The following SACS variants were observed in gnomAD, a reference collection of about 807,000 sequenced individuals.
The protein encoded by SACS is sacsin molecular chaperone, also known as sacsin.
In SACS, 197 loss-of-function variants were observed where a neutral mutation model predicts 348.0. The ratio of observed to expected loss-of-function variants is 0.57; its 90% CI spans 0.50 to 0.64. The LOEUF (loss-of-function observed/expected upper bound fraction) is 0.64, where lower values mean the gene tolerates loss of function less well. Among genes scored for constraint, SACS ranks in the 30% least tolerant of loss-of-function variants. The pLI, the probability that SACS is intolerant of heterozygous loss-of-function variation, is 0.00. For synonymous variants in SACS, 1,985 were observed against 1,910.6 expected, an observed-to-expected ratio of 1.04 and a Z score of -1.02; for missense variants, 4,999 against 5,360.8, an observed-to-expected ratio of 0.93 and a Z score of 2.11.
At chr13:23,370,730 A>G (rs139337645) in intron 4 of SACS, among the ~76,000 whole-genome samples, 187 of 152,312 alleles carry the variant, frequency 1.2e-3, no homozygotes, top group Middle Eastern at 3.4e-3. Flanking sequence ...TGGGAGGCCA[A>G]AGACGGTGGA....
chr13:23,356,864 A>G (rs1180796933), intron 7 of SACS, among the ~76,000 whole-genome samples: 1 of 152,204 alleles, frequency 6.6e-6, no homozygotes, highest in Non-Finnish European at 1.5e-5. Context: ...CAGCTGTCAC[A>G]ATCACCAACT....
intron 2 of SACS, among the ~76,000 whole-genome samples, chr13:23,392,014 G>A (rs938963752): frequency 3.9e-5 from 6 of 152,174 alleles, no homozygotes; most frequent in African/African-American, 7.2e-5. Context: ...TCAGAATCAC[G>A]CATGCAGACT....
intron 2 of SACS, among the ~76,000 whole-genome samples, chr13:23,400,786 T>C (rs1296198809): frequency 6.6e-6 from 1 of 152,214 alleles, no homozygotes; most frequent in Non-Finnish European, 1.5e-5. Flanking sequence ...TTTAGTCAAA[T>C]GTTCAAACCT....
rs139387396 is a variant in SACS, at chr13:23,338,891, G to C, written c.4985C>G (p.Thr1662Arg). The change falls in exon 10 of 10, where the codon ACG (threonine) becomes AGG (arginine). Residue 1662 changes from threonine (T) to arginine (R), a missense_variant. Physicochemically the swap from Thr to Arg is moderately conservative, Grantham distance 71 (BLOSUM62 -1). Transcript: ENST00000382292. ...ATAAATATCTGCTGTATTGTAGCAC[G>C]TACTACTAACTTCACTCACTTTTGC... ...QEAKVSEVSS[T>R]CYNTADIYSL... 1 of 1,613,020 alleles carries C rather than the reference G, an allele frequency of 6.2e-7. No homozygotes were observed. Among genetic ancestry groups the C allele is most frequent in the South Asian group, 1.1e-5 (1 of 90,866 alleles).
Position 23,340,966 on chromosome 13 carries a change from A to G in SACS, c.2910T>C (p.Ser970=), listed in dbSNP as rs1365633383. 1 of 1,614,046 alleles carries G rather than the reference A, an allele frequency of 6.2e-7. No homozygotes were observed. The highest frequency in any genetic ancestry group is 8.5e-7 in the Non-Finnish European group (1 of 1,179,932). ...TTGCCAGACGAATAGTAGCTTCATC[A>G]CTACTGTCTATTACTGAAATAGAAA... The part of the protein sequence containing the change: ...LRLSISVIDS[S]DEATIRLANM... Residue 970 remains serine (S), a synonymous_variant, in exon 10 of 10, where the codon AGT becomes AGC. Coordinates refer to ENST00000382292, the MANE Select transcript of SACS (RefSeq NM_014363.6).
rs114198748 is a variant in SACS at position 23,376,533 on chromosome 13, C to T, written c.21-1264G>A. 2.2e-3 allele frequency among the ~76,000 whole-genome samples: 338 copies of T among 152,264 alleles called. 1 individual carries two copies. Among genetic ancestry groups the T allele is most frequent in the African/African-American group, 7.6e-3 (314 of 41,536 alleles). ...AAAAATAGATAATAAATTGCCATTT[C>T]TCCCTTCCCCCCAAAAAAAATTATT... On this transcript the variant is annotated intron_variant, in intron 2 of 9. Coordinates refer to ENST00000382292, the MANE Select transcript of SACS (RefSeq NM_014363.6).
chr13:23,405,923 C>A (rs1325356793), intron 2 of SACS, among the ~76,000 whole-genome samples: 1 of 152,180 alleles, frequency 6.6e-6, no homozygotes, highest in Non-Finnish European at 1.5e-5. Flanking sequence ...AATAGGAAAG[C>A]TTTTACACTG....
At position 23,355,327 on chromosome 13, in the gene SACS, T is replaced by G. The variant is rs1409855639; in HGVS notation, c.1285A>C (p.Arg429=). The G allele has an allele frequency of 6.2e-7, 1 of 1,614,050 alleles. No homozygotes were observed. The highest frequency in any genetic ancestry group is 1.3e-5 in the African/African-American group (1 of 74,930). Residue 429 remains arginine (R), a synonymous_variant, in exon 8 of 10, where the codon AGA becomes CGA. Transcript: ENST00000382292. ...IIGIAMPLSS[R]DDEAKGATSD... is the part of the protein sequence containing the mutation. ...GTTGCTCCTTTTGCTTCATCATCTC[T>G]GCTTGATAAAGGCATGGCTATTCCA...
At position 23,336,533 on chromosome 13, in the gene SACS, T is replaced by C. The variant is rs201300420; in HGVS notation, c.7343A>G (p.Tyr2448Cys). Residue 2448 changes from tyrosine (Y) to cysteine (C), a missense_variant, in exon 10 of 10, where the codon TAT (tyrosine) becomes TGT (cysteine). This residue lies in a region of SACS where 3,156 missense variants were observed against 3,380.1 expected (regional missense o/e 0.93). Transcript: ENST00000382292. ...EKKQEFCEKN[Y>C]GKILLPDTNL... Reference sequence around the variant, plus strand: ...AGTATCTGGCAATAATATCTTGCCATAATTTTTCTCACAAAATTCTTGTTT... The same window carrying C: ...AGTATCTGGCAATAATATCTTGCCACAATTTTTCTCACAAAATTCTTGTTT... 4 of 1,613,930 alleles carry C rather than the reference T, an allele frequency of 2.5e-6. No homozygotes were observed. Among genetic ancestry groups the C allele is most frequent in the South Asian group, 1.1e-5 (1 of 91,070 alleles).
intron 1 of SACS, among the ~76,000 whole-genome samples, chr13:23,415,592 C>G (rs1873662701): frequency 6.6e-6 from 1 of 152,178 alleles, no homozygotes; most frequent in Non-Finnish European, 1.5e-5. Context: ...CTTGATGAAT[C>G]ACTCTCATAA....
chr13:23,425,024 G>A (rs985186495), intron 1 of SACS, among the ~76,000 whole-genome samples: 1 of 152,226 alleles, frequency 6.6e-6, no homozygotes, highest in Non-Finnish European at 1.5e-5. Context: ...TCCATCGGGG[G>A]CCTGGGCGTG....
rs368891410 is a variant in SACS, at chr13:23,331,014, T to A, written c.12862A>T (p.Thr4288Ser). The change falls in exon 10 of 10, where the codon ACT (threonine) becomes TCT (serine). Residue 4288 changes from threonine (T) to serine (S), a missense_variant. By Grantham distance (58) the Thr-to-Ser change is moderately conservative. Coordinates refer to ENST00000382292, the MANE Select transcript of SACS (RefSeq NM_014363.6). ...TTGGGGGACTGATGTTTGGAAGAAG[T>A]CTTGTGGCTCTCTCTACCAGAGAAA... is the stretch of plus-strand genomic sequence containing the variant. ...PLFSGRESHK[T>S]SSKHQSPKKL... 1.2e-6 allele frequency: 2 copies of A among 1,613,958 alleles called. No individual in the cohort carries two copies. The highest frequency in any genetic ancestry group is 2.2e-5 in the East Asian group (1 of 44,876).
chr13:23,376,023 G>A (rs1433656820), intron 2 of SACS, among the ~76,000 whole-genome samples: 1 of 152,016 alleles, frequency 6.6e-6, no homozygotes, highest in Admixed American at 6.5e-5. Context: ...GAACACAAGT[G>A]TCTTCCACGG....
Position 23,354,594 on chromosome 13 carries a change from T to C in SACS, c.2018A>G (p.Asn673Ser), listed in dbSNP as rs1870204902. The C allele has an allele frequency of 1.2e-6, 2 of 1,614,226 alleles. No individual in the cohort carries two copies. The highest frequency in any genetic ancestry group is 1.7e-6 in the Non-Finnish European group (2 of 1,180,036). Reference sequence around the variant, plus strand: ...TGAGGAGAAGGGGACAAAATTGCCATTTTGTAAAGGGAGCAGCTCCAGCCC... The same window carrying C: ...TGAGGAGAAGGGGACAAAATTGCCACTTTGTAAAGGGAGCAGCTCCAGCCC... ...LLGLELLPLQNGNFVPFSSSV... is the reference protein window; with the variant it reads ...LLGLELLPLQSGNFVPFSSSV... The change falls in exon 8 of 10, where the codon AAT (asparagine) becomes AGT (serine). Residue 673 changes from asparagine (N) to serine (S), a missense_variant. Asn to Ser is a conservative substitution (Grantham distance 46). This residue lies in a region of SACS where 3,156 missense variants were observed against 3,380.1 expected (regional missense o/e 0.93). Transcript: ENST00000382292.
chr13:23,405,894 G>A (rs933707232), intron 2 of SACS, among the ~76,000 whole-genome samples: 1 of 152,186 alleles, frequency 6.6e-6, no homozygotes, highest in Admixed American at 6.5e-5. Flanking sequence ...AACAACAGAT[G>A]CTGGAGAGGA....
At chr13:23,409,441 C>T (rs1250428097) in intron 2 of SACS, among the ~76,000 whole-genome samples, 1 of 148,876 alleles carries the variant, frequency 6.7e-6, no homozygotes, top group Non-Finnish European at 1.5e-5. Context: ...ACTGCAACCT[C>T]CGCCTCCTGG....
At chr13:23,404,455 C>T (rs923412148) in intron 2 of SACS, among the ~76,000 whole-genome samples, 1 of 152,180 alleles carries the variant, frequency 6.6e-6, no homozygotes, top group Admixed American at 6.5e-5. Context: ...GACACACCCA[C>T]AGCCAATATC....
At chr13:23,416,669 A>C (rs1873704466) in intron 1 of SACS, among the ~76,000 whole-genome samples, 2 of 151,684 alleles carry the variant, frequency 1.3e-5, no homozygotes, top group African/African-American at 4.8e-5. Flanking sequence ...AGGCAAGGGA[A>C]TTGCTTGAGC....
At position 23,341,259 on chromosome 13, in the gene SACS, G is replaced by GTAA. The variant is rs1192683576; in HGVS notation, c.2614_2616dup (p.Leu872dup). ...TCCATTATCTGCAAAACAGCACTTG[G>GTAA]TAATGGTGAATGAATATATTTTTTA... On this transcript the variant is annotated inframe_insertion, in exon 10 of 10. Transcript: ENST00000382292. The GTAA allele has an allele frequency of 6.2e-7, 1 of 1,613,630 alleles. No individual in the cohort carries two copies. Among genetic ancestry groups the GTAA allele is most frequent in the South Asian group, 1.1e-5 (1 of 91,040 alleles).
Sources: allele counts gnomAD v4.1 joint callset (sites outside exome capture counted in the v4.1 genomes callset), GRCh38; gene constraint gnomAD v4.1.1; regional missense constraint gnomAD v4.1.1; transcripts MANE v1.5; gene names NCBI Gene and HGNC (gene_info 2026-07-23, HGNC 2026-07-21).